The following CSMD1 variants were observed in gnomAD, a reference collection of about 807,000 sequenced individuals.
CSMD1 encodes CUB and Sushi multiple domains 1, also known as CUB and sushi domain-containing protein 1.
Under a neutral mutation model 417.5 loss-of-function variants are expected in CSMD1, and 213 were observed. That is an observed-to-expected ratio of 0.51 (90% CI 0.46 to 0.57). The LOEUF (loss-of-function observed/expected upper bound fraction) is 0.57. Among genes scored for constraint, CSMD1 ranks in the 20% least tolerant of loss-of-function variants. The probability of loss-of-function intolerance (pLI) is 0.00; values close to 1 mark genes in which losing one functional copy is unlikely to be tolerated. For missense variants in CSMD1, 6,923 were observed against 4,529.7 expected, an observed-to-expected ratio of 1.53 and a Z score of -15.17; for synonymous variants, 2,862 against 1,736.8, an observed-to-expected ratio of 1.65 and a Z score of -16.11.
intron 5 of CSMD1, among the ~76,000 whole-genome samples, chr8:3,829,687 T>A (rs139847356): frequency 2.6e-5 from 4 of 152,334 alleles, no homozygotes; most frequent in African/African-American, 9.6e-5. Context: ...CTTAACATGC[T>A]TGAGAAATAT....
At chr8:3,959,983 G>A (rs1023884740) in intron 5 of CSMD1, among the ~76,000 whole-genome samples, 3 of 152,186 alleles carry the variant, frequency 2.0e-5, no homozygotes, top group Non-Finnish European at 4.4e-5. Context: ...AACAAAGAGT[G>A]TGTTAATCAC....
At chr8:4,916,106 C>T (rs1004008119) in intron 1 of CSMD1, among the ~76,000 whole-genome samples, 2 of 152,184 alleles carry the variant, frequency 1.3e-5, no homozygotes, top group East Asian at 3.9e-4. Context: ...ACAGGTGGTG[C>T]TTCAGCAGGA....
intron 2 of CSMD1, among the ~76,000 whole-genome samples, chr8:4,629,837 A>G (rs1203232739): frequency 6.6e-6 from 1 of 152,204 alleles, no homozygotes; most frequent in Non-Finnish European, 1.5e-5. Flanking sequence ...GTCATGTTGC[A>G]AACTATGTGG....
At chr8:4,004,209 T>TA (rs1284470498) in intron 4 of CSMD1, among the ~76,000 whole-genome samples, 1 of 152,066 alleles carries the variant, frequency 6.6e-6, no homozygotes, top group African/African-American at 2.4e-5. Context: ...ATGAGGGATT[T>TA]AAAAACTCCT....
chr8:4,320,201 G>C (rs1585225073), intron 3 of CSMD1, among the ~76,000 whole-genome samples: 1 of 152,110 alleles, frequency 6.6e-6, no homozygotes, highest in South Asian at 2.1e-4. Context: ...GGTAAAATGT[G>C]TGATATCTCG....
At chr8:4,348,543 A>T (rs190559872) in intron 3 of CSMD1, among the ~76,000 whole-genome samples, 1 of 149,000 alleles carries the variant, frequency 6.7e-6, no homozygotes, top group African/African-American at 2.5e-5. Flanking sequence ...TATCACAAAT[A>T]AAAGTGTGTG....
At chr8:4,007,059 C>T (rs998875406) in intron 4 of CSMD1, among the ~76,000 whole-genome samples, 3 of 151,934 alleles carry the variant, frequency 2.0e-5, no homozygotes, top group East Asian at 3.9e-4. Flanking sequence ...AGGATGGTCT[C>T]GATCTCCTCA....
intron 38 of CSMD1, among the ~76,000 whole-genome samples, chr8:3,160,959 T>C (rs998712914): frequency 6.6e-6 from 1 of 152,220 alleles, no homozygotes; most frequent in Non-Finnish European, 1.5e-5. Context: ...AGTGCTGTTA[T>C]TTCACGGCTG....
At chr8:3,819,079 T>C (rs1387170112) in intron 5 of CSMD1, among the ~76,000 whole-genome samples, 2 of 152,154 alleles carry the variant, frequency 1.3e-5, no homozygotes, top group African/African-American at 4.8e-5. Flanking sequence ...GCTTCATAGC[T>C]TAAGGCAGAG....
intron 3 of CSMD1, among the ~76,000 whole-genome samples, chr8:4,371,084 T>A (rs1369499171): frequency 6.6e-6 from 1 of 152,234 alleles, no homozygotes; most frequent in Non-Finnish European, 1.5e-5. Flanking sequence ...TACTGTTCTT[T>A]AGATGGGGCA....
At chr8:3,287,985 CTTAT>C (rs1803282649) in intron 25 of CSMD1, among the ~76,000 whole-genome samples, 1 of 146,832 alleles carries the variant, frequency 6.8e-6, no homozygotes, top group South Asian at 2.1e-4. Context: ...CCATCAATAC[CTTAT>C]TTATTGAGAG....
At chr8:4,882,443 T>A (rs1803471197) in intron 1 of CSMD1, among the ~76,000 whole-genome samples, 1 of 151,378 alleles carries the variant, frequency 6.6e-6, no homozygotes, top group Non-Finnish European at 1.5e-5. Context: ...GGAGGGAATT[T>A]GAAGAGTATT....
At chr8:4,344,928 C>T (rs1054925194) in intron 3 of CSMD1, among the ~76,000 whole-genome samples, 1 of 152,094 alleles carries the variant, frequency 6.6e-6, no homozygotes, top group African/African-American at 2.4e-5. Context: ...AGGTTGTGGT[C>T]AGCTGGTCTC....
chr8:3,903,972 G>T (rs548886535), intron 5 of CSMD1, among the ~76,000 whole-genome samples: 4 of 152,078 alleles, frequency 2.6e-5, no homozygotes, highest in Non-Finnish European at 5.9e-5. Context: ...GGAATACCTT[G>T]TTCTGTAGTT....
chr8:3,360,462 A>G (rs1013550155), intron 20 of CSMD1, among the ~76,000 whole-genome samples: 1 of 152,170 alleles, frequency 6.6e-6, no homozygotes, highest in African/African-American at 2.4e-5. Flanking sequence ...AAGTGTGGGT[A>G]AGTGCCTATT....
chr8:4,811,744 C>A (rs1056006228), intron 1 of CSMD1, among the ~76,000 whole-genome samples: 1 of 151,862 alleles, frequency 6.6e-6, no homozygotes, highest in African/African-American at 2.4e-5. Context: ...TCGTTTAAAT[C>A]TTTTAGTCTC....
chr8:4,147,325 T>C (rs1804199634), intron 3 of CSMD1, among the ~76,000 whole-genome samples: 1 of 152,086 alleles, frequency 6.6e-6, no homozygotes, highest in Non-Finnish European at 1.5e-5. Flanking sequence ...TTCTGTATGC[T>C]CACCTGTCTA....
At chr8:4,962,579 T>A (rs1004602047) in intron 1 of CSMD1, among the ~76,000 whole-genome samples, 17 of 152,194 alleles carry the variant, frequency 1.1e-4, no homozygotes, top group Non-Finnish European at 2.4e-4. Flanking sequence ...GATTTTGGCA[T>A]AATCAGATGG....
At chr8:4,263,523 G>A (rs190712224) in intron 3 of CSMD1, among the ~76,000 whole-genome samples, 310 of 152,150 alleles carry the variant, frequency 2.0e-3, no homozygotes, top group African/African-American at 7.0e-3. Flanking sequence ...TACTTCTCTG[G>A]CACTTGATAT....
Sources: allele counts gnomAD v4.1 joint callset (sites outside exome capture counted in the v4.1 genomes callset), GRCh38; gene constraint gnomAD v4.1.1; transcripts MANE v1.5; gene names NCBI Gene and HGNC (gene_info 2026-07-23, HGNC 2026-07-21).